The following RTN3 variants were observed in gnomAD, a reference collection of about 807,000 sequenced individuals.
RTN3 encodes reticulon-3.
Under a neutral mutation model 77.8 loss-of-function variants are expected in RTN3, and 49 were observed. The observed-to-expected ratio is 0.63, with a 90% CI of 0.50 to 0.80. The LOEUF (loss-of-function observed/expected upper bound fraction) is 0.80, where lower values mean the gene tolerates loss of function less well. Ranked by LOEUF, RTN3 falls within the 30% of genes least tolerant of loss-of-function variation. The probability of loss-of-function intolerance (pLI) is 0.00; values close to 1 mark genes in which losing one functional copy is unlikely to be tolerated. For missense variants in RTN3, 1,236 were observed against 1,211.9 expected (o/e 1.02, Z -0.29); for synonymous variants, 464 against 446.9 (o/e 1.04, Z -0.48).
At chr11:63,726,860 TGAAAAAAA>T (rs1363619336) in intron 3 of RTN3, among the ~76,000 whole-genome samples, 3 of 89,452 alleles carry the variant, frequency 3.4e-5, no homozygotes, top group African/African-American at 1.2e-4. Context: ...AGACTCCGTC[TGAAAAAAA>T]AAAAAAAAAA....
intron 1 of RTN3, among the ~76,000 whole-genome samples, chr11:63,704,021 GAGA>G (rs904005499): frequency 1.4e-5 from 2 of 147,516 alleles, no homozygotes; most frequent in South Asian, 2.1e-4. Context: ...TTTTTTTTTT[GAGA>G]AGGAGTCTCA....
chr11:63,749,156 T>G (rs1054307102), intron 3 of RTN3, among the ~76,000 whole-genome samples: 1 of 152,106 alleles, frequency 6.6e-6, no homozygotes, highest in Non-Finnish European at 1.5e-5. Context: ...GGCACATACC[T>G]GTAGTCCTAG....
At chr11:63,710,393 C>G (rs1278289984) in intron 2 of RTN3, among the ~76,000 whole-genome samples, 1 of 151,844 alleles carries the variant, frequency 6.6e-6, no homozygotes, top group Non-Finnish European at 1.5e-5. Flanking sequence ...CCATCTTGCT[C>G]TGAAAGATAA....
intron 1 of RTN3, among the ~76,000 whole-genome samples, chr11:63,689,851 G>A (rs185043951): frequency 3.2e-3 from 486 of 151,948 alleles, no homozygotes; most frequent in African/African-American, 0.011. Flanking sequence ...TCCGCCCCCC[G>A]GGTTCAAGCG....
rs139388707 is a variant in RTN3 at position 63,750,451 on chromosome 11, A to T, written c.2738+253A>T. ...AGGGAGTCCTTCAAAGAAGACTCTAAATTCTTTTTTTTTTTTTTTGAGACG... is the reference window on the plus strand; with the variant it reads ...AGGGAGTCCTTCAAAGAAGACTCTATATTCTTTTTTTTTTTTTTTGAGACG... On this transcript the variant is annotated intron_variant, in intron 4 of 8. Coordinates refer to ENST00000377819, the MANE Select transcript of RTN3 (RefSeq NM_001265589.2). The T allele has an allele frequency of 6.2e-4, 281 of 450,984 alleles. 1 individual carries two copies. Among genetic ancestry groups the T allele is most frequent in the African/African-American group, 5.3e-3 (264 of 49,656 alleles). 27.9% of individuals were successfully genotyped at this position (450,984 alleles called of 1,614,324 possible).
Position 63,681,570 on chromosome 11 carries a change from T to TATTTCCCC in RTN3, c.-66_-59dup, listed in dbSNP as rs1380600395. On this transcript the variant is annotated 5_prime_UTR_variant, in exon 1 of 9. Coordinates refer to ENST00000377819, the MANE Select transcript of RTN3 (RefSeq NM_001265589.2). ...GAGCGAGCCAGTTGCCGGATTATTC[T>TATTTCCCC]ATTTCCCCTCCCTCTCTCCCGCCCC... is the stretch of plus-strand genomic sequence containing the variant. 6.8e-7 allele frequency: 1 copy of TATTTCCCC among 1,473,904 alleles called. No individual in the cohort carries two copies. Among genetic ancestry groups the TATTTCCCC allele is most frequent in the Non-Finnish European group, 9.1e-7 (1 of 1,100,966 alleles). The allele number at this position is 1,473,904 out of a possible 1,614,324, so 91.3% of individuals were successfully genotyped here. A position where few individuals can be genotyped will look rare whatever the true frequency, so the allele number is the denominator to read the frequency against.
At chr11:63,726,871 A>C (rs2012313511) in intron 3 of RTN3, among the ~76,000 whole-genome samples, 1 of 86,420 alleles carries the variant, frequency 1.2e-5, no homozygotes, top group African/African-American at 3.1e-5. Context: ...GAAAAAAAAA[A>C]AAAAAAAGAA....
chr11:63,705,000 C>A, intron 2 of RTN3, 93 bp downstream of exon 2: 1 of 902,096 alleles, frequency 1.1e-6, no homozygotes, highest in South Asian at 1.3e-5. Context: ...CTTCTATTGC[C>A]CCAAATCCCC....
intron 8 of RTN3, 73 bp from the exon 9 acceptor site, chr11:63,758,083 C>A: frequency 9.4e-7 from 1 of 1,062,142 alleles, no homozygotes; most frequent in Non-Finnish European, 1.4e-6. Flanking sequence ...TCTAGCATCA[C>A]AGTTAAAATA....
intron 3 of RTN3, among the ~76,000 whole-genome samples, chr11:63,748,861 T>C (rs2013949738): frequency 6.6e-6 from 1 of 151,782 alleles, no homozygotes; most frequent in Non-Finnish European, 1.5e-5. Flanking sequence ...GAGACTGGCT[T>C]TTCACCATGT....
rs776009534 is a variant in RTN3, at chr11:63,681,600, C to T, written c.-37C>T. 3 of 1,548,772 alleles carry T rather than the reference C, an allele frequency of 1.9e-6. No homozygotes were observed. The highest frequency in any genetic ancestry group is 2.6e-6 in the Non-Finnish European group (3 of 1,145,870). On this transcript the variant is annotated 5_prime_UTR_variant, in exon 1 of 9. Transcript: ENST00000377819. ...CCCCTCCCTCTCTCCCGCCCCGTAT[C>T]TCTTTTCACCCTTCTCCCACCCTCG...
intron 1 of RTN3, among the ~76,000 whole-genome samples, chr11:63,695,823 C>G (rs1320090778): frequency 6.6e-6 from 1 of 151,966 alleles, no homozygotes; most frequent in South Asian, 2.1e-4. Context: ...ATATGGTATC[C>G]TGGATAGGAT....
rs2014502671 is a variant in RTN3 at position 63,758,486 on chromosome 11, A to G, written c.*285A>G. ...TGGTAGAGCCTTTACCTGTAGCTTG[A>G]AAGGGGAAAGATTGGAGGTAAGAGA... On this transcript the variant is annotated 3_prime_UTR_variant, in exon 9 of 9. Transcript: ENST00000377819. 2 of 746,736 alleles carry G rather than the reference A, an allele frequency of 2.7e-6. No individual in the cohort carries two copies. The highest frequency in any genetic ancestry group is 2.1e-6 in the Non-Finnish European group (1 of 481,484). The allele number at this position is 746,736 out of a possible 1,614,324, so 46.3% of individuals were successfully genotyped here.
chr11:63,752,828 C>G (rs1190302420), intron 5 of RTN3, among the ~76,000 whole-genome samples, 183 bp downstream of exon 5: 2 of 152,152 alleles, frequency 1.3e-5, no homozygotes, highest in Non-Finnish European at 2.9e-5. Flanking sequence ...GAACAAATAT[C>G]AGAAGAGAGG....
chr11:63,750,238 G>A, intron 4 of RTN3, 40 bp downstream of exon 4: 2 of 1,534,890 alleles, frequency 1.3e-6, no homozygotes, highest in Non-Finnish European at 1.8e-6. Context: ...ACATTTTAGT[G>A]GAAGGGTTCA....
At chr11:63,700,465 G>T (rs1232062569) in intron 1 of RTN3, among the ~76,000 whole-genome samples, 1 of 145,874 alleles carries the variant, frequency 6.9e-6, no homozygotes. Context: ...TTAATTTTTT[G>T]TGGAGACAGG....
At chr11:63,721,920 G>A (rs2011843218) in intron 3 of RTN3, among the ~76,000 whole-genome samples, 1 of 152,116 alleles carries the variant, frequency 6.6e-6, no homozygotes, top group African/African-American at 2.4e-5. Flanking sequence ...GTAATGCTTA[G>A]GAGAACTCAT....
chr11:63,749,870 A>T (rs1275999650), intron 3 of RTN3, 121 bp from the exon 4 acceptor site: 1 of 755,440 alleles, frequency 1.3e-6, no homozygotes, highest in South Asian at 1.8e-5. Flanking sequence ...AAAAAACAAA[A>T]CCAGATTATC....
At chr11:63,740,827 C>T (rs1474219978) in intron 3 of RTN3, among the ~76,000 whole-genome samples, 1 of 152,150 alleles carries the variant, frequency 6.6e-6, no homozygotes, top group Admixed American at 6.6e-5. Context: ...ACAATTGTAG[C>T]AGAGGTTGGC....
Sources: allele counts gnomAD v4.1 joint callset (sites outside exome capture counted in the v4.1 genomes callset), GRCh38; gene constraint gnomAD v4.1.1; transcripts MANE v1.5; gene names NCBI Gene and HGNC (gene_info 2026-07-23, HGNC 2026-07-21).